CD80: variants seen among roughly 807,000 people sequenced by gnomAD.
The protein encoded by CD80 is CD80 molecule.
In CD80, 13 loss-of-function variants were observed where a neutral mutation model predicts 27.1. The ratio of observed to expected loss-of-function variants is 0.48; its 90% CI spans 0.31 to 0.76. The LOEUF (loss-of-function observed/expected upper bound fraction) is 0.76. Among genes scored for constraint, CD80 ranks in the 30% least tolerant of loss-of-function variants. The pLI, the probability that CD80 is intolerant of heterozygous loss-of-function variation, is 0.04. For synonymous variants in CD80, 125 were observed against 125.5 expected (o/e 1.00, Z 0.03); for missense variants, 277 against 347.9 (o/e 0.80, Z 1.62).
chr3:119,544,063 T>C (rs1266808923), intron 3 of CD80, among the ~76,000 whole-genome samples: 5 of 151,908 alleles, frequency 3.3e-5, no homozygotes, highest in Non-Finnish European at 7.4e-5. Context: ...AGTTTTTGTA[T>C]TTTTAGTAGG....
At position 119,525,761 on chromosome 3, in the gene CD80, A is replaced by C. The variant is rs2082061580; in HGVS notation, c.*39-12T>G. On this transcript the variant is annotated splice_polypyrimidine_tract_variant and intron_variant, in intron 6 of 6. Transcript: ENST00000264246. ...AATGGAGGTGGGACCTGAGAAAACAAAGAAATGATTACATCAAACCCTATA... is the reference window on the plus strand; with the variant it reads ...AATGGAGGTGGGACCTGAGAAAACACAGAAATGATTACATCAAACCCTATA... 2 of 152,176 alleles carry C rather than the reference A, an allele frequency of 1.3e-5. No individual in the cohort carries two copies. Among genetic ancestry groups the C allele is most frequent in the African/African-American group, 4.8e-5 (2 of 41,346 alleles). The allele number at this position is 152,176 out of a possible 1,614,324, so 9.4% of individuals were successfully genotyped here. A position where few individuals can be genotyped will look rare whatever the true frequency, so the allele number is the denominator to read the frequency against.
In CD80 at chr3:119,548,069, C is replaced by A. The variant is rs111708003; in HGVS notation, c.101-3202G>T. 3.7e-4 allele frequency among the ~76,000 whole-genome samples: 57 copies of A among 152,168 alleles called. 1 individual carries two copies. The highest frequency in any genetic ancestry group is 1.4e-3 in the African/African-American group (57 of 41,508). On this transcript the variant is annotated intron_variant, in intron 2 of 6. Transcript: ENST00000264246. ...CGATCTCAGCTCACTGCAACCTCCACCCCCAGGTTCAAGCAGTTCTCCTGC... is the reference window on the plus strand; with the variant it reads ...CGATCTCAGCTCACTGCAACCTCCAACCCCAGGTTCAAGCAGTTCTCCTGC...
At chr3:119,556,756 T>A (rs1280072119) in intron 2 of CD80, among the ~76,000 whole-genome samples, 1 of 152,204 alleles carries the variant, frequency 6.6e-6, no homozygotes, top group Non-Finnish European at 1.5e-5. Flanking sequence ...CTTTGCAGAC[T>A]GGCAAATCAT....
chr3:119,554,546 G>T (rs375532437), intron 2 of CD80, among the ~76,000 whole-genome samples: 7 of 152,172 alleles, frequency 4.6e-5, no homozygotes, highest in South Asian at 2.1e-4. Context: ...AGGCCTAGAG[G>T]GGGAGAGGAG....
At chr3:119,536,083 C>A (rs1446284993) in intron 4 of CD80, among the ~76,000 whole-genome samples, 1 of 151,870 alleles carries the variant, frequency 6.6e-6, no homozygotes, top group East Asian at 1.9e-4. Context: ...AACCCCATCT[C>A]CACTAAAGAT....
At chr3:119,550,034 G>C (rs2082223007) in intron 2 of CD80, among the ~76,000 whole-genome samples, 1 of 152,178 alleles carries the variant, frequency 6.6e-6, no homozygotes, top group Non-Finnish European at 1.5e-5. Context: ...GGGATCACTG[G>C]AAAATTCAGT....
chr3:119,548,862 C>G (rs765439047), intron 2 of CD80, among the ~76,000 whole-genome samples: 2 of 152,004 alleles, frequency 1.3e-5, no homozygotes, highest in African/African-American at 2.4e-5. Flanking sequence ...TGGTGAAACC[C>G]CATCTCTACT....
chr3:119,531,613 GT>G (rs2082111739), intron 4 of CD80, among the ~76,000 whole-genome samples: 1 of 151,976 alleles, frequency 6.6e-6, no homozygotes, highest in Admixed American at 6.6e-5. Flanking sequence ...CAAGATCCCT[GT>G]TTTTACTTTT....
Position 119,529,740 on chromosome 3 carries a change from A to G in CD80, c.796+102T>C, listed in dbSNP as rs1000533706. The G allele has an allele frequency of 5.3e-6, 4 of 757,378 alleles. No individual in the cohort carries two copies. The Admixed American group carries it at 6.3e-5, about 12-fold the overall frequency. 46.9% of individuals were successfully genotyped at this position (757,378 alleles called of 1,614,324 possible). On this transcript the variant is annotated intron_variant, in intron 5 of 6. Transcript: ENST00000264246. ...ATGTTTCCATAGGCTTGCTGTAAAC[A>G]TGAGAAGCGAATAGGCTAAAACCTC...
intron 3 of CD80, among the ~76,000 whole-genome samples, chr3:119,538,626 T>C (rs1286869455): frequency 6.6e-6 from 1 of 152,192 alleles, no homozygotes; most frequent in Non-Finnish European, 1.5e-5. Context: ...TCTGGCCTTA[T>C]CCTTTGAACA....
At chr3:119,546,589 T>C (rs2082203894) in intron 2 of CD80, among the ~76,000 whole-genome samples, 1 of 152,050 alleles carries the variant, frequency 6.6e-6, no homozygotes, top group Non-Finnish European at 1.5e-5. Context: ...GGGCCATACT[T>C]TAAATAGGTA....
intron 3 of CD80, among the ~76,000 whole-genome samples, chr3:119,541,715 A>G (rs1345599761): frequency 6.6e-6 from 1 of 152,204 alleles, no homozygotes; most frequent in Non-Finnish European, 1.5e-5. Context: ...GCATTTGAGA[A>G]ACACTGCTTT....
intron 2 of CD80, among the ~76,000 whole-genome samples, chr3:119,551,348 G>A (rs946002072): frequency 5.3e-5 from 8 of 152,200 alleles, no homozygotes; most frequent in African/African-American, 1.9e-4. Flanking sequence ...AATTCCGGGT[G>A]CAACAGTGTT....
intron 4 of CD80, among the ~76,000 whole-genome samples, chr3:119,531,964 T>G (rs950021036): frequency 2.0e-5 from 3 of 152,082 alleles, no homozygotes; most frequent in African/African-American, 7.2e-5. Context: ...GCGCCTGGCC[T>G]AGTTTTATTC....
Position 119,524,529 on chromosome 3 carries a change from G to A in CD80, c.*1259C>T, listed in dbSNP as rs2107737454. On this transcript the variant is annotated 3_prime_UTR_variant, in exon 7 of 7. Coordinates refer to ENST00000264246, the MANE Select transcript of CD80 (RefSeq NM_005191.4). ...AGAATATAGTTTTACACAGGAGCAA[G>A]GTTTGTGAAGCAGCATAGTGAGGTA... 6.6e-6 allele frequency: 1 copy of A among 152,366 alleles called. No homozygotes were observed. The highest frequency in any genetic ancestry group is 1.9e-4 in the East Asian group (1 of 5,192). The allele number at this position is 152,366 out of a possible 1,614,324, so 9.4% of individuals were successfully genotyped here.
At position 119,525,026 on chromosome 3, in the gene CD80, G is replaced by A. The variant is rs543775054; in HGVS notation, c.*762C>T. 2.0e-5 allele frequency: 3 copies of A among 152,322 alleles called. No individual in the cohort carries two copies. The South Asian group carries it at 6.2e-4, about 32-fold the overall frequency. 9.4% of individuals were successfully genotyped at this position (152,322 alleles called of 1,614,324 possible). Reference sequence around the variant, plus strand: ...GAGATTATCAGTCCAATATGAACCAGTTAAGTCTTTGGACTATCCCTTTCC... The same window carrying A: ...GAGATTATCAGTCCAATATGAACCAATTAAGTCTTTGGACTATCCCTTTCC... On this transcript the variant is annotated 3_prime_UTR_variant, in exon 7 of 7. Transcript: ENST00000264246.
intron 2 of CD80, among the ~76,000 whole-genome samples, chr3:119,547,035 G>T (rs970560806): frequency 2.6e-5 from 4 of 152,166 alleles, no homozygotes; most frequent in African/African-American, 9.7e-5. Context: ...TTTCACTTGA[G>T]TGACTTAGGA....
At chr3:119,542,561 A>T (rs1018553247) in intron 3 of CD80, among the ~76,000 whole-genome samples, 1 of 152,176 alleles carries the variant, frequency 6.6e-6, no homozygotes, top group Admixed American at 6.5e-5. Context: ...TGGCTCCTTC[A>T]GTATCCTCTG....
At chr3:119,530,611 T>A (rs561911063) in intron 4 of CD80, among the ~76,000 whole-genome samples, 1 of 151,424 alleles carries the variant, frequency 6.6e-6, no homozygotes, top group South Asian at 2.1e-4. Context: ...GAAATGAGGG[T>A]GGGGAGGAGA....
Sources: gnomAD v4.1 joint callset for allele counts (sites outside exome capture counted in the v4.1 genomes callset) on GRCh38, gnomAD v4.1.1 for gene constraint, MANE v1.5 for transcripts, NCBI Gene and HGNC (gene_info 2026-07-23, HGNC 2026-07-21) for gene names.